Variants in HIP1 observed in about 807,000 individuals in gnomAD.
HIP1 encodes the protein huntingtin interacting protein 1.
Under a neutral mutation model 147.6 loss-of-function variants are expected in HIP1, and 65 were observed. The ratio of observed to expected loss-of-function variants is 0.44; its 90% CI spans 0.36 to 0.54. The LOEUF (loss-of-function observed/expected upper bound fraction) is 0.54. HIP1 is among the 20% of genes least tolerant of loss of function. The pLI is 0.00. For missense variants in HIP1, 1,061 were observed against 1,299.6 expected (o/e 0.82, Z 2.82); for synonymous variants, 479 against 504.0 (o/e 0.95, Z 0.67).
At chr7:75,555,048 G>A (rs1554492921) in intron 19 of HIP1, among the ~76,000 whole-genome samples, 1 of 151,882 alleles carries the variant, frequency 6.6e-6, no homozygotes. Flanking sequence ...TTAGCTGGGC[G>A]TGGTGTTGCG....
intron 4 of HIP1, among the ~76,000 whole-genome samples, chr7:75,589,810 G>A (rs1796430247): frequency 6.8e-6 from 1 of 148,050 alleles, no homozygotes; most frequent in Non-Finnish European, 1.5e-5. Context: ...GGCTCACTGT[G>A]AACTCCGCCT....
intron 1 of HIP1, among the ~76,000 whole-genome samples, chr7:75,618,174 C>T (rs2117082884): frequency 6.6e-6 from 1 of 152,218 alleles, no homozygotes; most frequent in African/African-American, 2.4e-5. Context: ...TCTTGAGACA[C>T]AGTTTCACTG....
At chr7:75,581,972 C>T in intron 6 of HIP1, 103 bp downstream of exon 6, 1 of 929,470 alleles carries the variant, frequency 1.1e-6, no homozygotes, top group Non-Finnish European at 1.7e-6. Flanking sequence ...GTCCCCATCC[C>T]AGCCACGGCC....
intron 1 of HIP1, among the ~76,000 whole-genome samples, chr7:75,648,348 G>A (rs531503006): frequency 2.0e-5 from 3 of 151,842 alleles, no homozygotes; most frequent in Admixed American, 6.6e-5. Context: ...GATGAGGCTG[G>A]TTGGAGTAGC....
At chr7:75,581,778 C>T (rs1554498639) in intron 6 of HIP1, among the ~76,000 whole-genome samples, 1 of 151,762 alleles carries the variant, frequency 6.6e-6, no homozygotes, top group Admixed American at 6.6e-5. Flanking sequence ...GACTGCCTCT[C>T]AAAAAACAAA....
At chr7:75,642,459 C>T (rs782225917) in intron 1 of HIP1, among the ~76,000 whole-genome samples, 5 of 152,108 alleles carry the variant, frequency 3.3e-5, no homozygotes, top group African/African-American at 4.8e-5. Context: ...CACTTGAACA[C>T]GAGAGACAGA....
chr7:75,721,770 T>TG (rs1198278016), intron 1 of HIP1, among the ~76,000 whole-genome samples: 23 of 152,092 alleles, frequency 1.5e-4, no homozygotes, highest in African/African-American at 4.8e-4. Flanking sequence ...CCAGTTCTTC[T>TG]GGGGGGGCAA....
At chr7:75,701,941 T>C (rs1372933873) in intron 1 of HIP1, among the ~76,000 whole-genome samples, 1 of 151,788 alleles carries the variant, frequency 6.6e-6, no homozygotes, top group Non-Finnish European at 1.5e-5. Context: ...ATTATTTATA[T>C]ATTTTTTGGA....
intron 7 of HIP1, among the ~76,000 whole-genome samples, chr7:75,578,303 A>C (rs1554498068): frequency 2.0e-5 from 3 of 152,158 alleles, no homozygotes; most frequent in Non-Finnish European, 4.4e-5. Flanking sequence ...GCCGAACTGC[A>C]ACTTCTAGGC....
At chr7:75,649,782 C>G (rs1798913323) in intron 1 of HIP1, among the ~76,000 whole-genome samples, 1 of 152,174 alleles carries the variant, frequency 6.6e-6, no homozygotes, top group Admixed American at 6.6e-5. Context: ...TGTGGCACTT[C>G]CCTTACTGCT....
At chr7:75,641,416 C>A (rs782562050) in intron 1 of HIP1, among the ~76,000 whole-genome samples, 2 of 151,886 alleles carry the variant, frequency 1.3e-5, no homozygotes, top group South Asian at 4.1e-4. Context: ...AGCCACCATG[C>A]TCAGTCTTCC....
At chr7:75,575,647 C>A (rs1197042417) in intron 7 of HIP1, among the ~76,000 whole-genome samples, 1 of 152,086 alleles carries the variant, frequency 6.6e-6, no homozygotes, top group Non-Finnish European at 1.5e-5. Flanking sequence ...CGCTGGGGCT[C>A]CCTCCACACT....
At chr7:75,619,094 C>G (rs1489892511) in intron 1 of HIP1, among the ~76,000 whole-genome samples, 1 of 152,172 alleles carries the variant, frequency 6.6e-6, no homozygotes, top group East Asian at 1.9e-4. Flanking sequence ...CGAGTTTGTA[C>G]ACACACCCCT....
In HIP1 at chr7:75,556,781, A is replaced by G. The variant is rs1795021539; in HGVS notation, c.1612T>C (p.Leu538=). 2 of 1,613,290 alleles carry G rather than the reference A, an allele frequency of 1.2e-6. No individual in the cohort carries two copies. The highest frequency in any genetic ancestry group is 1.7e-6 in the Non-Finnish European group (2 of 1,179,384). ...TGGCTTGTGGCAAGTTCCTGCTTCA[A>G]GCTCTCTAGAACTTCCAGCTGTTCT... ...TQEQLEVLES[L]KQELATSQRE... The change falls in exon 17 of 31, where the codon TTG becomes CTG. Residue 538 remains leucine, a synonymous_variant. Coordinates refer to ENST00000336926, the MANE Select transcript of HIP1 (RefSeq NM_005338.7).
At chr7:75,718,260 G>T (rs1189415270) in intron 1 of HIP1, among the ~76,000 whole-genome samples, 3 of 152,152 alleles carry the variant, frequency 2.0e-5, no homozygotes, top group African/African-American at 7.2e-5. Flanking sequence ...GGGAGGCTGA[G>T]GTGGGAGGGT....
intron 1 of HIP1, among the ~76,000 whole-genome samples, chr7:75,691,988 CTG>C (rs1554518200): frequency 2.0e-5 from 3 of 152,050 alleles, no homozygotes; most frequent in Non-Finnish European, 2.9e-5. Context: ...CTGTACAACA[CTG>C]TGGAAGTCCT....
chr7:75,543,130 ATATC>A (rs1794400199), intron 27 of HIP1, among the ~76,000 whole-genome samples, 156 bp from the exon 28 acceptor site: 1 of 152,198 alleles, frequency 6.6e-6, no homozygotes, highest in South Asian at 2.1e-4. Context: ...AGCTCCTGAC[ATATC>A]TATCATATAA....
chr7:75,610,891 T>C (rs1797408433), intron 1 of HIP1, among the ~76,000 whole-genome samples: 1 of 147,596 alleles, frequency 6.8e-6, no homozygotes, highest in Admixed American at 6.8e-5. Context: ...ATATTATTTA[T>C]ATAAAATATA....
Position 75,565,653 on chromosome 7 carries a change from C to T in HIP1, c.804-2390G>A, listed in dbSNP as rs1386705483. Among the ~76,000 whole-genome samples the T allele has an allele frequency of 2.0e-5, 3 of 152,050 alleles. No individual in the cohort carries two copies. In the East Asian group the frequency reaches 5.8e-4, roughly 29 times the overall value. On this transcript the variant is annotated intron_variant, in intron 9 of 30. Coordinates refer to ENST00000336926, the MANE Select transcript of HIP1 (RefSeq NM_005338.7). ...ACTTTTACACAGCTAAGTCAGGAGGCCCTTCTCAGCCCCCTCTGTCCTCCC... is the reference window on the plus strand; with the variant it reads ...ACTTTTACACAGCTAAGTCAGGAGGTCCTTCTCAGCCCCCTCTGTCCTCCC...
Sources: allele counts gnomAD v4.1 joint callset (sites outside exome capture counted in the v4.1 genomes callset), GRCh38; gene constraint gnomAD v4.1.1; transcripts MANE v1.5; gene names NCBI Gene and HGNC (gene_info 2026-07-23, HGNC 2026-07-21).